The following GLRA1 variants were observed in gnomAD, a reference collection of about 807,000 sequenced individuals.
The protein encoded by GLRA1 is glycine receptor subunit alpha-1.
A neutral mutation model predicts 48.3 loss-of-function variants in GLRA1; 37 were observed. That is an observed-to-expected ratio of 0.77 (90% CI 0.59 to 1.01). The LOEUF (loss-of-function observed/expected upper bound fraction) is 1.01, where lower values mean the gene tolerates loss of function less well. GLRA1 is among the 50% of genes least tolerant of loss of function. GLRA1 has a pLI of 0.00. For synonymous variants in GLRA1, 196 were observed against 210.7 expected (o/e 0.93, Z 0.60); for missense variants, 427 against 571.0 (o/e 0.75, Z 2.57).
rs1753560068 is a variant in GLRA1, at chr5:151,873,981, G to A, written c.252+12740C>T. Among the ~76,000 whole-genome samples, 3 of 152,178 alleles carry A rather than the reference G, an allele frequency of 2.0e-5. No individual in the cohort carries two copies. The South Asian group carries it at 6.2e-4, about 32-fold the overall frequency. ...TTTCTTCACCTTTCATCTCAAGATG[G>A]AAATCAAGTGCTGGATGCACTTTGA... On this transcript the variant is annotated intron_variant, in intron 3 of 8. Coordinates refer to ENST00000274576, the MANE Select transcript of GLRA1 (RefSeq NM_000171.4).
At chr5:151,851,934 A>G (rs1752924880) in intron 6 of GLRA1, among the ~76,000 whole-genome samples, 1 of 152,160 alleles carries the variant, frequency 6.6e-6, no homozygotes, top group Non-Finnish European at 1.5e-5. Context: ...CATCATCATC[A>G]TCAATATTTT....
rs558571748 is a variant in GLRA1, at chr5:151,878,663, T to A, written c.252+8058A>T. Reference sequence around the variant, plus strand: ...CCCTGTGTCCCAGCCACTCCAGCCATGACTAAAAGGTGCCAAAGTACAATT... The same window carrying A: ...CCCTGTGTCCCAGCCACTCCAGCCAAGACTAAAAGGTGCCAAAGTACAATT... On this transcript the variant is annotated intron_variant, in intron 3 of 8. Coordinates refer to ENST00000274576, the MANE Select transcript of GLRA1 (RefSeq NM_000171.4). Among the ~76,000 whole-genome samples the A allele has an allele frequency of 2.7e-4, 41 of 152,268 alleles. No homozygotes were observed. In the South Asian group the frequency reaches 7.1e-3, roughly 26 times the overall value.
At chr5:151,839,676 AGGTGAGATCTTTAG>A (rs1435802501) in intron 7 of GLRA1, among the ~76,000 whole-genome samples, 1 of 152,124 alleles carries the variant, frequency 6.6e-6, no homozygotes, top group Non-Finnish European at 1.5e-5. Context: ...TAGATCTTAG[AGGTGAGATCTTTAG>A]GGTGAGATCT....
At chr5:151,831,613 G>A (rs1162690156) in intron 7 of GLRA1, among the ~76,000 whole-genome samples, 2 of 152,182 alleles carry the variant, frequency 1.3e-5, no homozygotes, top group African/African-American at 4.8e-5. Context: ...CCTCCTCTCT[G>A]GGCAGAGCAT....
At chr5:151,865,741 C>G (rs1316507497) in intron 3 of GLRA1, among the ~76,000 whole-genome samples, 2 of 152,166 alleles carry the variant, frequency 1.3e-5, no homozygotes, top group Non-Finnish European at 2.9e-5. Flanking sequence ...TAATGAGTCT[C>G]TCATTATGAA....
chr5:151,855,150 A>G lies in GLRA1; in HGVS notation c.587T>C (p.Phe196Ser), dbSNP rs1753007196. The G allele has an allele frequency of 6.2e-7, 1 of 1,614,090 alleles. No individual in the cohort carries two copies. The highest frequency in any genetic ancestry group is 8.5e-7 in the Non-Finnish European group (1 of 1,179,922). ...CACGGCTCCCTGTTCCTGCCACTCAAAGATGAGGTCATTCATCGTATATCC... is the reference window on the plus strand; with the variant it reads ...CACGGCTCCCTGTTCCTGCCACTCAGAGATGAGGTCATTCATCGTATATCC... ...SFGYTMNDLI[F>S]EWQEQGAVQV... The change falls in exon 6 of 9, where the codon TTT becomes TCT. Residue 196 changes from phenylalanine (F) to serine (S), a missense_variant. Phe to Ser is a radical substitution (Grantham distance 155). Coordinates refer to ENST00000274576, the MANE Select transcript of GLRA1 (RefSeq NM_000171.4).
At chr5:151,922,496 A>T (rs1044096358) in intron 1 of GLRA1, among the ~76,000 whole-genome samples, 1 of 152,208 alleles carries the variant, frequency 6.6e-6, no homozygotes, top group Non-Finnish European at 1.5e-5. Flanking sequence ...AGCCGTTCCT[A>T]TATTTTGAAA....
At chr5:151,850,034 T>A in intron 7 of GLRA1, 2 of 1,603,766 alleles carry the variant, frequency 1.2e-6, no homozygotes, top group Non-Finnish European at 1.7e-6. Flanking sequence ...TGTAAGTGGA[T>A]AATGGACATG....
At chr5:151,836,405 C>G (rs1033039220) in intron 7 of GLRA1, among the ~76,000 whole-genome samples, 1 of 152,192 alleles carries the variant, frequency 6.6e-6, no homozygotes, top group Non-Finnish European at 1.5e-5. Context: ...AGATTCATTG[C>G]TATCACCATC....
At chr5:151,861,046 G>C (rs937687005) in intron 3 of GLRA1, among the ~76,000 whole-genome samples, 1 of 152,178 alleles carries the variant, frequency 6.6e-6, no homozygotes, top group African/African-American at 2.4e-5. Flanking sequence ...TCCCTATAAA[G>C]GACATGCACT....
intron 7 of GLRA1, among the ~76,000 whole-genome samples, chr5:151,841,597 GA>G (rs1763713995): frequency 6.6e-6 from 1 of 151,984 alleles, no homozygotes; most frequent in Non-Finnish European, 1.5e-5. Context: ...TACTGTTCAA[GA>G]AAAAATGAGG....
At chr5:151,849,452 T>TTTCC (rs1377147013) in intron 7 of GLRA1, among the ~76,000 whole-genome samples, 1,207 of 15,636 alleles carry the variant, frequency 0.077, 216 homozygotes, top group Non-Finnish European at 0.1. Context: ...TTTCCTTTCC[T>TTTCC]TTCCTTCCTT....
intron 1 of GLRA1, among the ~76,000 whole-genome samples, chr5:151,913,672 G>A (rs182751179): frequency 6.0e-4 from 92 of 152,234 alleles, no homozygotes; most frequent in African/African-American, 2.2e-3. Context: ...TCCCATTTTT[G>A]TAAAACAGAA....
chr5:151,874,422 G>A (rs1304713346), intron 3 of GLRA1, among the ~76,000 whole-genome samples: 1 of 152,112 alleles, frequency 6.6e-6, no homozygotes, highest in Admixed American at 6.5e-5. Flanking sequence ...CATCACTGGA[G>A]GTGTGCAAGC....
intron 7 of GLRA1, among the ~76,000 whole-genome samples, chr5:151,833,796 C>CCAAAAAAA (rs1763490769): frequency 1.5e-5 from 1 of 64,778 alleles, no homozygotes; most frequent in Admixed American, 1.8e-4. Context: ...AAGTGGAAAG[C>CCAAAAAAA]AAAAAAAAAA....
At chr5:151,823,125 G>T in intron 8 of GLRA1, 162 bp from the exon 9 acceptor site, 1 of 640,220 alleles carries the variant, frequency 1.6e-6, no homozygotes, top group Non-Finnish European at 2.6e-6. Context: ...TGGCTGGGGA[G>T]TTCTGCCTTA....
chr5:151,888,040 A>C lies in GLRA1; in HGVS notation c.185-1252T>G, dbSNP rs551211474. On this transcript the variant is annotated intron_variant, in intron 2 of 8. Coordinates refer to ENST00000274576, the MANE Select transcript of GLRA1 (RefSeq NM_000171.4). ...ATTCCTATGAGGTACTGAGGTAGAC[A>C]GGGCAGAATTCTTGTTCCTACTTGA... Among the ~76,000 whole-genome samples the C allele has an allele frequency of 1.6e-4, 24 of 152,366 alleles. No individual in the cohort carries two copies. In the South Asian group the frequency reaches 5.0e-3, roughly 32 times the overall value.
chr5:151,894,159 G>C (rs968555813), intron 1 of GLRA1, among the ~76,000 whole-genome samples: 1 of 152,128 alleles, frequency 6.6e-6, no homozygotes, highest in African/African-American at 2.4e-5. Context: ...GCGTGTGTGT[G>C]TGTGTGTAAG....
At chr5:151,833,173 C>T (rs753357071) in intron 7 of GLRA1, among the ~76,000 whole-genome samples, 8 of 152,122 alleles carry the variant, frequency 5.3e-5, no homozygotes, top group Middle Eastern at 3.2e-3. Context: ...AAGGAACAAC[C>T]GGTACCAGCC....
Sources: gnomAD v4.1 joint callset for allele counts (sites outside exome capture counted in the v4.1 genomes callset) on GRCh38, gnomAD v4.1.1 for gene constraint, MANE v1.5 for transcripts, NCBI Gene and HGNC (gene_info 2026-07-23, HGNC 2026-07-21) for gene names.